Variants in PTPRG observed in about 807,000 individuals in gnomAD.
The protein encoded by PTPRG is receptor-type tyrosine-protein phosphatase gamma.
Under a neutral mutation model 165.3 loss-of-function variants are expected in PTPRG, and 102 were observed. The observed-to-expected ratio is 0.62, with a 90% CI of 0.53 to 0.73. The LOEUF is 0.73. PTPRG is among the 30% of genes least tolerant of loss of function. PTPRG has a pLI of 0.00. For synonymous variants in PTPRG, 675 were observed against 669.5 expected, an observed-to-expected ratio of 1.01 and a Z score of -0.13; for missense variants, 1,866 against 1,861.4, an observed-to-expected ratio of 1.00 and a Z score of -0.05.
intron 8 of PTPRG, among the ~76,000 whole-genome samples, chr3:62,184,628 C>T (rs891495763): frequency 6.6e-6 from 1 of 152,188 alleles, no homozygotes; most frequent in East Asian, 1.9e-4. Flanking sequence ...TCTTTCTCCC[C>T]ACCAGGGCCA....
At chr3:61,828,093 A>G (rs2036164845) in intron 2 of PTPRG, among the ~76,000 whole-genome samples, 1 of 152,202 alleles carries the variant, frequency 6.6e-6, no homozygotes, top group African/African-American at 2.4e-5. Context: ...ATACTGAGTC[A>G]TTGCGATATT....
chr3:61,949,039 C>A (rs1231057969), intron 2 of PTPRG, among the ~76,000 whole-genome samples: 4 of 144,490 alleles, frequency 2.8e-5, no homozygotes, highest in East Asian at 2.3e-4. Flanking sequence ...AAAAGACAAG[C>A]CAAGAAAAAA....
chr3:62,151,028 A>G (rs1038699053), intron 6 of PTPRG, among the ~76,000 whole-genome samples: 2 of 152,238 alleles, frequency 1.3e-5, no homozygotes, highest in African/African-American at 2.4e-5. Flanking sequence ...AAGAAATGCA[A>G]TCAATCAGCT....
At chr3:62,050,136 T>C (rs1700425249) in intron 4 of PTPRG, among the ~76,000 whole-genome samples, 1 of 152,016 alleles carries the variant, frequency 6.6e-6, no homozygotes, top group South Asian at 2.1e-4. Flanking sequence ...TGAAAGAAAA[T>C]AGGATAAAGA....
At chr3:61,738,621 C>A (rs924541788) in intron 1 of PTPRG, among the ~76,000 whole-genome samples, 3 of 147,572 alleles carry the variant, frequency 2.0e-5, no homozygotes, top group African/African-American at 7.5e-5. Context: ...TCTTGGCTCA[C>A]TGCAAGCTTA....
intron 2 of PTPRG, among the ~76,000 whole-genome samples, chr3:61,792,885 C>A (rs1197517986): frequency 6.6e-6 from 1 of 152,008 alleles, no homozygotes; most frequent in Non-Finnish European, 1.5e-5. Context: ...CGTGCCACCA[C>A]GCCTGGCTAA....
intron 13 of PTPRG, among the ~76,000 whole-genome samples, chr3:62,226,988 G>C (rs148439482): frequency 6.6e-6 from 1 of 152,290 alleles, no homozygotes; most frequent in East Asian, 1.9e-4. Flanking sequence ...TGGATGTTCA[G>C]TGGGAGACAG....
chr3:61,846,735 C>G (rs1039301744), intron 2 of PTPRG, among the ~76,000 whole-genome samples: 1 of 152,124 alleles, frequency 6.6e-6, no homozygotes, highest in Non-Finnish European at 1.5e-5. Flanking sequence ...GGTAACATGG[C>G]AAAACCCCGT....
chr3:61,825,956 A>G (rs994297016), intron 2 of PTPRG, among the ~76,000 whole-genome samples: 5 of 152,166 alleles, frequency 3.3e-5, no homozygotes, highest in African/African-American at 1.2e-4. Context: ...CTCCCAGCCA[A>G]TCTTGTTAAT....
intron 5 of PTPRG, among the ~76,000 whole-genome samples, chr3:62,128,435 T>C (rs17066154): frequency 0.09 from 13,620 of 152,164 alleles, 826 homozygotes; most frequent in East Asian, 0.32. Flanking sequence ...TTTTGAAATT[T>C]GAACTCAGGG....
At chr3:61,936,523 C>T (rs761813491) in intron 2 of PTPRG, among the ~76,000 whole-genome samples, 4 of 152,060 alleles carry the variant, frequency 2.6e-5, no homozygotes, top group Admixed American at 6.5e-5. Context: ...CACATTCAAC[C>T]CCCTACCCGC....
intron 2 of PTPRG, among the ~76,000 whole-genome samples, chr3:61,941,133 T>G (rs1330974773): frequency 1.3e-5 from 2 of 152,208 alleles, no homozygotes; most frequent in Non-Finnish European, 2.9e-5. Flanking sequence ...AAACTTGTTG[T>G]GTGGATCCAA....
At chr3:61,573,790 A>G (rs1249599901) in intron 1 of PTPRG, among the ~76,000 whole-genome samples, 1 of 152,084 alleles carries the variant, frequency 6.6e-6, no homozygotes, top group Non-Finnish European at 1.5e-5. Flanking sequence ...AAGATATCTC[A>G]TGTTTGTATA....
chr3:61,800,570 G>A (rs1328854818), intron 2 of PTPRG, among the ~76,000 whole-genome samples: 2 of 152,008 alleles, frequency 1.3e-5, no homozygotes, highest in African/African-American at 2.4e-5. Context: ...AGTGTTTCAA[G>A]TTGGGTGAAG....
At chr3:61,876,409 A>G (rs139948884) in intron 2 of PTPRG, among the ~76,000 whole-genome samples, 19 of 152,272 alleles carry the variant, frequency 1.2e-4, no homozygotes, top group African/African-American at 4.3e-4. Context: ...TTGATGAGTT[A>G]ATTCTGTCAC....
intron 2 of PTPRG, among the ~76,000 whole-genome samples, chr3:61,767,292 A>G (rs1294474372): frequency 6.9e-6 from 1 of 144,184 alleles, no homozygotes; most frequent in Non-Finnish European, 1.5e-5. Flanking sequence ...TTTTTTAACT[A>G]ATTTTTTATG....
chr3:61,816,969 A>G (rs1218465923), intron 2 of PTPRG, among the ~76,000 whole-genome samples: 5 of 138,528 alleles, frequency 3.6e-5, no homozygotes, highest in Admixed American at 3.2e-4. Context: ...AGTTTCAGTA[A>G]TCACTTATAT....
chr3:61,892,802 G>A (rs919679583), intron 2 of PTPRG, among the ~76,000 whole-genome samples: 5 of 150,154 alleles, frequency 3.3e-5, no homozygotes, highest in African/African-American at 1.2e-4. Context: ...AGCAACAAGA[G>A]CAAAACTCTG....
chr3:61,778,721 T>C (rs2034457552), intron 2 of PTPRG, among the ~76,000 whole-genome samples: 1 of 151,730 alleles, frequency 6.6e-6, no homozygotes, highest in Non-Finnish European at 1.5e-5. Flanking sequence ...CTTGAAGGAG[T>C]GAAGGATCTC....
Sources: gnomAD v4.1 joint callset for allele counts (sites outside exome capture counted in the v4.1 genomes callset) on GRCh38, gnomAD v4.1.1 for gene constraint, MANE v1.5 for transcripts, NCBI Gene and HGNC (gene_info 2026-07-23, HGNC 2026-07-21) for gene names.